The following NLGN4X variants were observed in gnomAD, a reference collection of about 807,000 sequenced individuals.
NLGN4X encodes neuroligin 4 X-linked, also known as neuroligin-4, X-linked.
NLGN4X carries 3 observed loss-of-function variants against 40.3 expected under a neutral mutation model. That is an observed-to-expected ratio of 0.07 (90% CI 0.03 to 0.19). The LOEUF is 0.19. Among genes scored for constraint, NLGN4X ranks in the 10% least tolerant of loss-of-function variants. The pLI, the probability that NLGN4X is intolerant of heterozygous loss-of-function variation, is 1.00. For synonymous variants in NLGN4X, 270 were observed against 306.8 expected (o/e 0.88, Z 1.25); for missense variants, 382 against 708.3 (o/e 0.54, Z 5.23).
chrX:6,090,139 T>C (rs894400793), intron 2 of NLGN4X, among the ~76,000 whole-genome samples: 1 of 111,746 alleles, frequency 8.9e-6, no homozygotes, highest in Non-Finnish European at 1.9e-5. Flanking sequence ...ACGCTACTAA[T>C]GTCTTTTTAG....
chrX:6,021,353 A>G (rs989853326), intron 3 of NLGN4X, among the ~76,000 whole-genome samples: 4 of 109,991 alleles, frequency 3.6e-5, no homozygotes, highest in African/African-American at 1.3e-4. Context: ...ATCAACTATT[A>G]CATCAATGGC....
rs184308173 is a variant in NLGN4X, at chrX:5,917,266, G to A, written c.626-8027C>T. On this transcript the variant is annotated intron_variant, in intron 3 of 5. Transcript: ENST00000381095. ...AAAGGTCAGTGTGACCTGAAGGTCA[G>A]TCTCTGCATCTTCCGCAGGGGTCAC... 5.3e-5 allele frequency among the ~76,000 whole-genome samples: 6 copies of A among 112,524 alleles called. No homozygotes were observed. In the East Asian group the frequency reaches 1.7e-3, roughly 32 times the overall value.
At chrX:5,986,090 A>G (rs2035523935) in intron 3 of NLGN4X, among the ~76,000 whole-genome samples, 1 of 112,372 alleles carries the variant, frequency 8.9e-6, no homozygotes, top group Non-Finnish European at 1.9e-5. Context: ...AAGAATATGT[A>G]AACTACCACC....
chrX:6,014,166 G>GCA (rs1428628605), intron 3 of NLGN4X, among the ~76,000 whole-genome samples: 2 of 106,940 alleles, frequency 1.9e-5, no homozygotes, highest in African/African-American at 3.4e-5. Context: ...TGGCAACAGA[G>GCA]CAAGACTCCA....
At chrX:5,898,095 C>G in intron 5 of NLGN4X, among the ~76,000 whole-genome samples, 1 of 74,230 alleles carries the variant, frequency 1.3e-5, no homozygotes, top group Non-Finnish European at 2.7e-5. Context: ...TCTTCTTTCT[C>G]CCTTCTCCCT....
intron 2 of NLGN4X, among the ~76,000 whole-genome samples, chrX:6,049,367 A>G (rs1210788968): frequency 9.6e-6 from 1 of 104,252 alleles, no homozygotes; most frequent in Non-Finnish European, 2.0e-5. Context: ...TGCCCTCCCT[A>G]TACCAGAAGG....
chrX:6,102,720 TAAGA>T (rs915786268), intron 2 of NLGN4X, among the ~76,000 whole-genome samples: 1 of 110,322 alleles, frequency 9.1e-6, no homozygotes, highest in Non-Finnish European at 1.9e-5. Context: ...TACATATAGA[TAAGA>T]TAGATCGATA....
intron 2 of NLGN4X, among the ~76,000 whole-genome samples, chrX:6,091,688 C>A (rs776684926): frequency 4.5e-5 from 5 of 111,884 alleles, no homozygotes; most frequent in Admixed American, 9.4e-5. Context: ...ATATTCCTGC[C>A]AAGTGTGTAA....
chrX:6,031,444 C>T (rs2036854195), intron 2 of NLGN4X, among the ~76,000 whole-genome samples: 1 of 109,939 alleles, frequency 9.1e-6, no homozygotes, highest in African/African-American at 3.4e-5. Flanking sequence ...AGTAACAATA[C>T]TCAAAATGTT....
At chrX:6,127,677 T>A (rs374359002) in intron 2 of NLGN4X, among the ~76,000 whole-genome samples, 39 of 111,944 alleles carry the variant, frequency 3.5e-4, no homozygotes, top group East Asian at 8.5e-4. Context: ...GGGAAAAAAA[T>A]AACATGAGAT....
intron 2 of NLGN4X, among the ~76,000 whole-genome samples, chrX:6,144,584 G>A (rs1484352191): frequency 9.0e-6 from 1 of 111,283 alleles, no homozygotes; most frequent in Middle Eastern, 4.2e-3. Context: ...GTCTCTTCCG[G>A]CTTCTAGAGA....
intron 2 of NLGN4X, among the ~76,000 whole-genome samples, chrX:6,100,275 T>C (rs1164902806): frequency 1.8e-5 from 2 of 112,560 alleles, no homozygotes; most frequent in African/African-American, 3.2e-5. Flanking sequence ...ATGGGGGTCA[T>C]GGCCATCATG....
chrX:5,936,716 G>A (rs777990291), intron 3 of NLGN4X, among the ~76,000 whole-genome samples: 7 of 112,055 alleles, frequency 6.2e-5, no homozygotes, highest in Non-Finnish European at 1.3e-4. Flanking sequence ...GAGTTCCCTC[G>A]TGTATACAAA....
intron 5 of NLGN4X, among the ~76,000 whole-genome samples, chrX:5,901,461 T>C (rs1404412887): frequency 2.7e-5 from 3 of 111,766 alleles, no homozygotes. Flanking sequence ...GTTACATTAT[T>C]AGACAAGAGA....
chrX:6,228,129 T>A (rs2147928526), intron 1 of NLGN4X, among the ~76,000 whole-genome samples: 1 of 111,969 alleles, frequency 8.9e-6, no homozygotes, highest in East Asian at 2.8e-4. Context: ...CACAGTCTTC[T>A]GTTTATTTGT....
intron 3 of NLGN4X, among the ~76,000 whole-genome samples, chrX:6,023,032 C>T (rs987001381): frequency 4.5e-5 from 5 of 111,925 alleles, no homozygotes; most frequent in South Asian, 3.8e-4. Context: ...AAGACCATGA[C>T]GCAATCTACC....
At chrX:5,911,099 A>G (rs898502188) in intron 3 of NLGN4X, among the ~76,000 whole-genome samples, 37 of 111,720 alleles carry the variant, frequency 3.3e-4, no homozygotes, top group Admixed American at 9.5e-4. Context: ...TTATATGACA[A>G]TGACGAATCA....
chrX:6,142,314 C>T (rs758795547), intron 2 of NLGN4X, among the ~76,000 whole-genome samples: 24 of 112,481 alleles, frequency 2.1e-4, no homozygotes, highest in African/African-American at 7.7e-4. Context: ...AAGATTATTA[C>T]TCAGTATTCA....
Position 5,890,805 on chromosome X carries a change from G to A in NLGN4X, c.*2012C>T, listed in dbSNP as rs1351117534. ...TAACCCAAGATAAGCAATAGGATTT[G>A]GGGGTGACTTGTACGCATTTCTAAA... On this transcript the variant is annotated 3_prime_UTR_variant, in exon 6 of 6. Transcript: ENST00000381095. The A allele has an allele frequency of 1.3e-5, 4 of 301,166 alleles. 1 individual carries two copies. Among genetic ancestry groups the A allele is most frequent in the Non-Finnish European group, 1.3e-5 (2 of 159,621 alleles). 24.8% of individuals were successfully genotyped at this position (301,166 alleles called of 1,213,427 possible).
Sources: gnomAD v4.1 joint callset for allele counts (sites outside exome capture counted in the v4.1 genomes callset) on GRCh38, gnomAD v4.1.1 for gene constraint, MANE v1.5 for transcripts, NCBI Gene and HGNC (gene_info 2026-07-23, HGNC 2026-07-21) for gene names.